Variants in NLGN1 observed in about 807,000 individuals in gnomAD.
The protein encoded by NLGN1 is neuroligin-1.
In NLGN1, 12 loss-of-function variants were observed where a neutral mutation model predicts 65.5. The ratio of observed to expected loss-of-function variants is 0.18; its 90% CI spans 0.12 to 0.30. The LOEUF is 0.30. NLGN1 is among the 10% of genes least tolerant of loss of function. The pLI is 1.00. For synonymous variants in NLGN1, 350 were observed against 359.5 expected, an observed-to-expected ratio of 0.97 and a Z score of 0.30; for missense variants, 750 against 1,007.1, an observed-to-expected ratio of 0.74 and a Z score of 3.46.
chr3:174,208,221 G>C (rs566085733), intron 4 of NLGN1, among the ~76,000 whole-genome samples: 2 of 152,264 alleles, frequency 1.3e-5, no homozygotes, highest in African/African-American at 4.8e-5. Context: ...TTCAAACAGA[G>C]AATCATCTGT....
At chr3:174,009,421 A>G (rs1560833025) in intron 4 of NLGN1, among the ~76,000 whole-genome samples, 1 of 152,176 alleles carries the variant, frequency 6.6e-6, no homozygotes, top group Non-Finnish European at 1.5e-5. Context: ...ATTCACTACG[A>G]TAAATGCATT....
intron 4 of NLGN1, among the ~76,000 whole-genome samples, chr3:173,865,790 G>A (rs1262415841): frequency 2.6e-5 from 4 of 152,148 alleles, no homozygotes; most frequent in South Asian, 2.1e-4. Flanking sequence ...CCGAAAGAAG[G>A]CTTTGATGTG....
At chr3:173,892,000 T>G (rs1735431716) in intron 4 of NLGN1, among the ~76,000 whole-genome samples, 1 of 151,984 alleles carries the variant, frequency 6.6e-6, no homozygotes, top group African/African-American at 2.4e-5. Context: ...GAAGCAGGAG[T>G]CACAGGAAAA....
chr3:173,731,702 A>C (rs2150058680), intron 3 of NLGN1, among the ~76,000 whole-genome samples: 1 of 152,192 alleles, frequency 6.6e-6, no homozygotes, highest in East Asian at 1.9e-4. Flanking sequence ...AAACCAAAAA[A>C]AGAAAAATAC....
At chr3:174,257,981 A>T (rs1319724620) in intron 4 of NLGN1, among the ~76,000 whole-genome samples, 2 of 151,400 alleles carry the variant, frequency 1.3e-5, no homozygotes, top group Admixed American at 6.6e-5. Context: ...CATTCATTAA[A>T]TTTTTTGTAA....
chr3:173,886,092 T>C (rs1734278039), intron 4 of NLGN1, among the ~76,000 whole-genome samples: 1 of 152,150 alleles, frequency 6.6e-6, no homozygotes, highest in South Asian at 2.1e-4. Flanking sequence ...ATTATGTGTG[T>C]ACACACAGAC....
chr3:173,751,729 G>C (rs919737103), intron 3 of NLGN1, among the ~76,000 whole-genome samples: 1 of 152,044 alleles, frequency 6.6e-6, no homozygotes, highest in Non-Finnish European at 1.5e-5. Context: ...GAATGTGAAG[G>C]TTTAAGGGGG....
chr3:173,477,549 A>G (rs1000401700), intron 2 of NLGN1, among the ~76,000 whole-genome samples: 3 of 152,172 alleles, frequency 2.0e-5, no homozygotes, highest in African/African-American at 7.2e-5. Context: ...GTCTCAAAAA[A>G]AGAAAAAAAA....
intron 2 of NLGN1, among the ~76,000 whole-genome samples, chr3:173,587,378 A>C (rs16827944): frequency 6.6e-6 from 1 of 152,130 alleles, no homozygotes; most frequent in East Asian, 1.9e-4. Flanking sequence ...TAGTAAATCC[A>C]CTTTGGAAAG....
intron 4 of NLGN1, among the ~76,000 whole-genome samples, chr3:173,900,657 T>TA (rs1737179153): frequency 6.6e-6 from 1 of 152,072 alleles, no homozygotes; most frequent in South Asian, 2.1e-4. Context: ...TAAGATTATC[T>TA]ATTCAAAAAT....
intron 2 of NLGN1, among the ~76,000 whole-genome samples, chr3:173,588,590 G>GATTTTTATA (rs1747902646): frequency 6.6e-6 from 1 of 152,130 alleles, no homozygotes; most frequent in South Asian, 2.1e-4. Context: ...ACTTTTGGGG[G>GATTTTTATA]ATTTTTATAT....
chr3:173,475,370 T>C (rs1484026915), intron 2 of NLGN1, among the ~76,000 whole-genome samples: 1 of 152,176 alleles, frequency 6.6e-6, no homozygotes, highest in Non-Finnish European at 1.5e-5. Context: ...TCTCTCTGTG[T>C]ATATATGTGT....
intron 4 of NLGN1, among the ~76,000 whole-genome samples, chr3:174,148,930 T>C (rs899403079): frequency 1.3e-5 from 2 of 152,200 alleles, no homozygotes; most frequent in Admixed American, 1.3e-4. Flanking sequence ...GGTATTGCAG[T>C]GTGTCATTCA....
At chr3:173,443,319 C>CTA (rs71897743) in intron 2 of NLGN1, among the ~76,000 whole-genome samples, 10 of 146,596 alleles carry the variant, frequency 6.8e-5, no homozygotes, top group African/African-American at 1.2e-4. Flanking sequence ...TATATATATA[C>CTA]TATATATATA....
At chr3:173,628,587 T>C (rs1436185398) in intron 3 of NLGN1, among the ~76,000 whole-genome samples, 1 of 152,118 alleles carries the variant, frequency 6.6e-6, no homozygotes, top group African/African-American at 2.4e-5. Context: ...AGAGATACTT[T>C]AGGCTACACC....
At chr3:173,822,008 TGCC>T (rs1417054842) in intron 4 of NLGN1, among the ~76,000 whole-genome samples, 5 of 152,254 alleles carry the variant, frequency 3.3e-5, no homozygotes, top group South Asian at 4.1e-4. Flanking sequence ...ATTGAAACTC[TGCC>T]AGGTTTTATT....
chr3:173,997,279 C>A (rs938437940), intron 4 of NLGN1, among the ~76,000 whole-genome samples: 1 of 151,754 alleles, frequency 6.6e-6, no homozygotes, highest in Non-Finnish European at 1.5e-5. Flanking sequence ...AACAATGTTC[C>A]CACCACACCC....
chr3:174,259,547 A>G (rs971002621), intron 4 of NLGN1, among the ~76,000 whole-genome samples: 3 of 152,008 alleles, frequency 2.0e-5, no homozygotes, highest in African/African-American at 7.2e-5. Flanking sequence ...TCAAGACACA[A>G]TGTCCTCTAT....
intron 4 of NLGN1, among the ~76,000 whole-genome samples, chr3:174,247,792 G>T (rs745993445): frequency 6.6e-6 from 1 of 152,188 alleles, no homozygotes; most frequent in Admixed American, 6.5e-5. Flanking sequence ...AAGACCAGAC[G>T]TTTTCAGGCT....
Sources: gnomAD v4.1 joint callset for allele counts (sites outside exome capture counted in the v4.1 genomes callset) on GRCh38, gnomAD v4.1.1 for gene constraint, MANE v1.5 for transcripts, NCBI Gene and HGNC (gene_info 2026-07-23, HGNC 2026-07-21) for gene names.